The following DNAAF9 variants were observed in gnomAD, a reference collection of about 807,000 sequenced individuals.
DNAAF9 encodes the protein shulin.
A neutral mutation model predicts 167.0 loss-of-function variants in DNAAF9; 90 were observed. The observed-to-expected ratio is 0.54, with a 90% confidence interval of 0.45 to 0.64. DNAAF9 has a LOEUF of 0.64. Ranked by LOEUF, DNAAF9 falls within the 30% of genes least tolerant of loss-of-function variation. DNAAF9 has a pLI of 0.00. For missense variants in DNAAF9, 1,315 were observed against 1,442.2 expected (o/e 0.91, Z 1.43); for synonymous variants, 491 against 508.8 (o/e 0.96, Z 0.47).
rs537067300 is a variant in DNAAF9 at position 3,301,230 on chromosome 20, T to C, written c.1783-3055A>G. Among the ~76,000 whole-genome samples the C allele has an allele frequency of 6.7e-5, 10 of 148,748 alleles. No individual in the cohort carries two copies. The East Asian group carries it at 2.1e-3, about 31-fold the overall frequency. ...GAGATGGAGTTTCACCCTTGGTACC[T>C]AGGCTGGAGTGCAATGGCGCAATCT... On this transcript the variant is annotated intron_variant, in intron 21 of 36. Transcript: ENST00000252032.
chr20:3,382,820 G>A (rs2083678564), intron 1 of DNAAF9, among the ~76,000 whole-genome samples: 1 of 152,168 alleles, frequency 6.6e-6, no homozygotes, highest in South Asian at 2.1e-4. Context: ...AGACTCAGCA[G>A]CTGACTCCAA....
intron 7 of DNAAF9, among the ~76,000 whole-genome samples, chr20:3,356,343 G>A (rs930668449): frequency 2.0e-5 from 3 of 152,076 alleles, no homozygotes; most frequent in African/African-American, 4.8e-5. Context: ...TTTAGAGCCC[G>A]GCCAGATCTG....
chr20:3,401,655 A>G (rs2083986364), intron 1 of DNAAF9, among the ~76,000 whole-genome samples: 1 of 152,230 alleles, frequency 6.6e-6, no homozygotes, highest in African/African-American at 2.4e-5. Context: ...TAACAATAGC[A>G]GTTCATACTC....
At chr20:3,299,147 T>G (rs2069138562) in intron 21 of DNAAF9, among the ~76,000 whole-genome samples, 1 of 151,766 alleles carries the variant, frequency 6.6e-6, no homozygotes, top group African/African-American at 2.4e-5. Context: ...GACCTCATAA[T>G]CCGCCCGCCT....
intron 14 of DNAAF9, among the ~76,000 whole-genome samples, chr20:3,324,422 TGTGATGGAA>T (rs2069673824): frequency 6.6e-6 from 1 of 151,556 alleles, no homozygotes; most frequent in African/African-American, 2.4e-5. Flanking sequence ...TGCTGGGAGA[TGTGATGGAA>T]AAATCACCAG....
chr20:3,337,743 T>C (rs995204785), intron 10 of DNAAF9, among the ~76,000 whole-genome samples: 2 of 151,820 alleles, frequency 1.3e-5, no homozygotes, highest in Non-Finnish European at 2.9e-5. Flanking sequence ...CCTTTGTGTG[T>C]AGTGCATAAA....
chr20:3,374,105 T>G lies in DNAAF9; in HGVS notation c.555A>C (p.Val185=). 1.9e-6 allele frequency: 3 copies of G among 1,613,904 alleles called. No individual in the cohort carries two copies. Among genetic ancestry groups the G allele is most frequent in the Non-Finnish European group, 2.5e-6 (3 of 1,179,778 alleles). Residue 185 remains valine, a synonymous_variant, in exon 6 of 37, where the codon GTA becomes GTC. Coordinates refer to ENST00000252032, the MANE Select transcript of DNAAF9 (RefSeq NM_001009984.3). ...CAATGCCCTCAAGTGCAAAGGCCTG[T>G]ACAATTGGCCATTTCTCCACCACAA... The part of the protein sequence containing the change: ...DMFVVEKWPI[V]QAFALEGIGG...
chr20:3,256,160 C>T lies in DNAAF9; in HGVS notation c.3107G>A (p.Ser1036Asn), dbSNP rs755355925. The change falls in exon 34 of 37, where the codon AGC becomes AAC. Residue 1036 changes from serine (S) to asparagine (N), a missense_variant. By Grantham distance (46) the Ser-to-Asn change is conservative. This residue lies in a region of DNAAF9 where 334 missense variants were observed against 429.7 expected (regional missense o/e 0.78). Transcript: ENST00000252032. Reference sequence around the variant, plus strand: ...GGGTCCTTCCAAAACTGGCATGATGCTCAAGGAGTTGGCCAGTGTGTTGTA... The same window carrying T: ...GGGTCCTTCCAAAACTGGCATGATGTTCAAGGAGTTGGCCAGTGTGTTGTA... ...VCYNTLANSL[S>N]IMPVLEGPTP... 2 of 1,614,218 alleles carry T rather than the reference C, an allele frequency of 1.2e-6. No homozygotes were observed. Among genetic ancestry groups the T allele is most frequent in the East Asian group, 2.2e-5 (1 of 44,886 alleles).
At position 3,348,521 on chromosome 20, in the gene DNAAF9, A is replaced by G; in HGVS notation, c.789+4T>C. ...TCTTCCTCTTTGACCCTTCCCTTAC[A>G]TACCTCACCCGCCTGAGATTCTGAA... On this transcript the variant is annotated splice_donor_region_variant and intron_variant, in intron 8 of 36. Transcript: ENST00000252032. The G allele has an allele frequency of 6.5e-7, 1 of 1,544,884 alleles. No homozygotes were observed. The highest frequency in any genetic ancestry group is 8.9e-7 in the Non-Finnish European group (1 of 1,128,950).
intron 20 of DNAAF9, among the ~76,000 whole-genome samples, chr20:3,305,958 C>A (rs935778133): frequency 3.3e-5 from 5 of 152,186 alleles, no homozygotes; most frequent in Non-Finnish European, 7.3e-5. Flanking sequence ...CCAGCCTCAT[C>A]CTGTACCAAC....
intron 33 of DNAAF9, among the ~76,000 whole-genome samples, chr20:3,256,779 G>C (rs1002554359): frequency 2.0e-5 from 3 of 152,230 alleles, no homozygotes; most frequent in African/African-American, 7.2e-5. Flanking sequence ...TGGAAGAGGT[G>C]GTTGAGGAAA....
At chr20:3,362,908 TG>T (rs981402107) in intron 6 of DNAAF9, among the ~76,000 whole-genome samples, 2 of 152,158 alleles carry the variant, frequency 1.3e-5, no homozygotes, top group African/African-American at 4.8e-5. Context: ...CCTTGTTTGA[TG>T]GAACACATTA....
At chr20:3,352,339 A>G (rs905947149) in intron 7 of DNAAF9, among the ~76,000 whole-genome samples, 3 of 152,148 alleles carry the variant, frequency 2.0e-5, no homozygotes, top group Non-Finnish European at 2.9e-5. Flanking sequence ...AGGTCCAATC[A>G]GTGCCCCTGT....
At chr20:3,256,833 G>A (rs2068289514) in intron 33 of DNAAF9, among the ~76,000 whole-genome samples, 1 of 152,218 alleles carries the variant, frequency 6.6e-6, no homozygotes, top group South Asian at 2.1e-4. Context: ...TCTCAGCAGA[G>A]GCCTCAGAGG....
intron 1 of DNAAF9, among the ~76,000 whole-genome samples, chr20:3,404,023 T>C (rs1462112025): frequency 1.3e-5 from 2 of 152,142 alleles, no homozygotes; most frequent in African/African-American, 2.4e-5. Flanking sequence ...TCTAATTGTC[T>C]ATTATTAGTC....
chr20:3,258,302 T>C (rs2068318780), intron 33 of DNAAF9, among the ~76,000 whole-genome samples: 1 of 152,240 alleles, frequency 6.6e-6, no homozygotes, highest in Non-Finnish European at 1.5e-5. Flanking sequence ...CCGAAGTTTC[T>C]GATTTGATCA....
At chr20:3,280,968 C>A (rs1013787083) in intron 28 of DNAAF9, among the ~76,000 whole-genome samples, 1 of 151,952 alleles carries the variant, frequency 6.6e-6, no homozygotes, top group East Asian at 1.9e-4. Flanking sequence ...CCAATTTTAG[C>A]CTTATTTCTA....
intron 3 of DNAAF9, among the ~76,000 whole-genome samples, chr20:3,377,662 G>A (rs1314253760): frequency 6.6e-6 from 1 of 151,872 alleles, no homozygotes; most frequent in African/African-American, 2.4e-5. Context: ...GTTTTGCCAT[G>A]TTGCCCAGGC....
In DNAAF9 at chr20:3,300,951, A is replaced by T. The variant is rs2069175107; in HGVS notation, c.1783-2776T>A. The stretch of plus-strand genomic sequence containing the variant: ...AAAATACAACAGAGAAGAAAGTTTT[A>T]AAAAAATTAATAGAAAGTCCCATCA... On this transcript the variant is annotated intron_variant, in intron 21 of 36. Transcript: ENST00000252032. 2.0e-5 allele frequency among the ~76,000 whole-genome samples: 3 copies of T among 151,740 alleles called. No homozygotes were observed. The South Asian group carries it at 6.2e-4, about 31-fold the overall frequency.
Sources: allele counts gnomAD v4.1 joint callset (sites outside exome capture counted in the v4.1 genomes callset), GRCh38; gene constraint gnomAD v4.1.1; regional missense constraint gnomAD v4.1.1; transcripts MANE v1.5; gene names NCBI Gene and HGNC (gene_info 2026-07-23, HGNC 2026-07-21).